TRAM2: variants seen among roughly 807,000 people sequenced by gnomAD.
TRAM2 encodes translocation associated membrane protein 2, also known as translocating chain-associated membrane protein 2.
A neutral mutation model predicts 51.0 loss-of-function variants in TRAM2; 12 were observed. The observed-to-expected ratio is 0.24, with a 90% confidence interval of 0.15 to 0.38. The LOEUF (loss-of-function observed/expected upper bound fraction) is 0.38. TRAM2 is among the 10% of genes least tolerant of loss of function. TRAM2 has a pLI of 1.00. For missense variants in TRAM2, 361 were observed against 462.0 expected (o/e 0.78, Z 2.00); for synonymous variants, 175 against 179.4 (o/e 0.98, Z 0.20).
At chr6:52,570,788 G>GCCCC (rs1258366796) in intron 1 of TRAM2, among the ~76,000 whole-genome samples, 10 of 42,668 alleles carry the variant, frequency 2.3e-4, no homozygotes, top group African/African-American at 5.5e-4. Flanking sequence ...AATCCTCCCT[G>GCCCC]CCCACCACCC....
At chr6:52,569,549 C>T (rs1767644779) in intron 1 of TRAM2, among the ~76,000 whole-genome samples, 1 of 151,728 alleles carries the variant, frequency 6.6e-6, no homozygotes, top group African/African-American at 2.4e-5. Flanking sequence ...CACCACTCTT[C>T]TGCTTGAATA....
intron 1 of TRAM2, among the ~76,000 whole-genome samples, chr6:52,565,274 T>G (rs910913114): frequency 6.6e-6 from 1 of 152,124 alleles, no homozygotes; most frequent in Non-Finnish European, 1.5e-5. Context: ...CATGGCCATT[T>G]AGGTGAGGAA....
chr6:52,570,134 A>G (rs536966261), intron 1 of TRAM2, among the ~76,000 whole-genome samples: 1 of 152,366 alleles, frequency 6.6e-6, no homozygotes, highest in African/African-American at 2.4e-5. Flanking sequence ...CTTGAGCTAC[A>G]GCTACAATGT....
At chr6:52,559,788 C>T (rs539519258) in intron 1 of TRAM2, among the ~76,000 whole-genome samples, 1 of 152,324 alleles carries the variant, frequency 6.6e-6, no homozygotes, top group South Asian at 2.1e-4. Context: ...AATGTATCTG[C>T]ACTGAATCAT....
At chr6:52,558,871 C>T (rs1254762224) in intron 1 of TRAM2, among the ~76,000 whole-genome samples, 1 of 152,202 alleles carries the variant, frequency 6.6e-6, no homozygotes. Context: ...CCAAACCCAA[C>T]CACGAAATCA....
At chr6:52,539,715 A>G (rs1268495689) in intron 1 of TRAM2, among the ~76,000 whole-genome samples, 1 of 152,208 alleles carries the variant, frequency 6.6e-6, no homozygotes, top group East Asian at 1.9e-4. Flanking sequence ...AAACTGCCCC[A>G]GAACAGAGCG....
At chr6:52,536,369 G>A (rs1766977720) in intron 1 of TRAM2, among the ~76,000 whole-genome samples, 1 of 152,188 alleles carries the variant, frequency 6.6e-6, no homozygotes, top group African/African-American at 2.4e-5. Context: ...GGGAGGCATG[G>A]GGCCAGAAGT....
At chr6:52,545,869 C>A (rs114578475) in intron 1 of TRAM2, among the ~76,000 whole-genome samples, 1 of 152,096 alleles carries the variant, frequency 6.6e-6, no homozygotes, top group Non-Finnish European at 1.5e-5. Context: ...TCATGTTTTG[C>A]CCCCACTCCC....
In TRAM2 at chr6:52,518,659, G is replaced by C. The variant is rs150748792; in HGVS notation, c.185-1922C>G. Among the ~76,000 whole-genome samples, 653 of 152,148 alleles carry C rather than the reference G, an allele frequency of 4.3e-3. 4 individuals are homozygous for C. Among genetic ancestry groups the C allele is most frequent in the Middle Eastern group, 6.8e-3 (2 of 294 alleles). On this transcript the variant is annotated intron_variant, in intron 2 of 10. Coordinates refer to ENST00000182527, the MANE Select transcript of TRAM2 (RefSeq NM_012288.4). ...AGCCTTGGCCACTGAGGACCGAAGG[G>C]CTGGGATCCAGGATGGGGAGTCAGG...
intron 1 of TRAM2, among the ~76,000 whole-genome samples, chr6:52,561,211 T>C (rs1413549339): frequency 6.6e-6 from 1 of 152,194 alleles, no homozygotes; most frequent in East Asian, 1.9e-4. Flanking sequence ...GAGTTGTTGC[T>C]GGGGTGGAGA....
Position 52,506,153 on chromosome 6 carries a change from C to G in TRAM2, c.627-17G>C. ...CGGCTCAGGCTGGGGGTGGGGAAGA[C>G]TAGACTTACATTCCCTCCAAGATGC... On this transcript the variant is annotated splice_polypyrimidine_tract_variant and intron_variant, in intron 7 of 10. Transcript: ENST00000182527. 5 of 1,609,838 alleles carry G rather than the reference C, an allele frequency of 3.1e-6. No individual in the cohort carries two copies. Among genetic ancestry groups the G allele is most frequent in the Non-Finnish European group, 4.2e-6 (5 of 1,177,612 alleles).
At chr6:52,574,901 G>A (rs896464832) in intron 1 of TRAM2, among the ~76,000 whole-genome samples, 1 of 152,262 alleles carries the variant, frequency 6.6e-6, no homozygotes. Flanking sequence ...GAAATATGAC[G>A]GAGAGAGCCA....
chr6:52,559,905 A>C (rs1581700451), intron 1 of TRAM2, among the ~76,000 whole-genome samples: 1 of 152,290 alleles, frequency 6.6e-6, no homozygotes, highest in East Asian at 1.9e-4. Context: ...AAGTTAACTG[A>C]ATTTAAAAGC....
intron 5 of TRAM2, among the ~76,000 whole-genome samples, chr6:52,508,533 A>G (rs960624110): frequency 2.0e-5 from 3 of 152,230 alleles, no homozygotes; most frequent in African/African-American, 7.2e-5. Context: ...AAACCACTTA[A>G]AGGACACGGA....
chr6:52,518,790 C>A (rs1452778313), intron 2 of TRAM2, among the ~76,000 whole-genome samples: 1 of 152,178 alleles, frequency 6.6e-6, no homozygotes, highest in Non-Finnish European at 1.5e-5. Flanking sequence ...TCCTTGCCTT[C>A]TTCATAAAGA....
chr6:52,520,525 T>G (rs1428676326), intron 2 of TRAM2, among the ~76,000 whole-genome samples: 3 of 152,230 alleles, frequency 2.0e-5, no homozygotes, highest in African/African-American at 7.2e-5. Flanking sequence ...CGCGGATGGA[T>G]TCTCAAGTTC....
intron 1 of TRAM2, among the ~76,000 whole-genome samples, chr6:52,575,379 C>T (rs1405495858): frequency 1.3e-5 from 2 of 152,136 alleles, no homozygotes; most frequent in Non-Finnish European, 2.9e-5. Flanking sequence ...CAAGCCCGAC[C>T]CAATATACCA....
chr6:52,535,505 A>C (rs987907551), intron 2 of TRAM2, among the ~76,000 whole-genome samples: 2 of 152,132 alleles, frequency 1.3e-5, no homozygotes, highest in Admixed American at 6.5e-5. Flanking sequence ...ACATGGTGAA[A>C]TTCCTTCACT....
intron 5 of TRAM2, among the ~76,000 whole-genome samples, chr6:52,508,760 G>A (rs550930066): frequency 3.9e-5 from 6 of 152,286 alleles, no homozygotes; most frequent in Admixed American, 2.6e-4. Flanking sequence ...GCAGCCAGGC[G>A]TGGTGGCTCA....
Sources: gnomAD v4.1 joint callset for allele counts (sites outside exome capture counted in the v4.1 genomes callset) on GRCh38, gnomAD v4.1.1 for gene constraint, MANE v1.5 for transcripts, NCBI Gene and HGNC (gene_info 2026-07-23, HGNC 2026-07-21) for gene names.